MDN1: variants seen among roughly 807,000 people sequenced by gnomAD.
The protein encoded by MDN1 is midasin AAA ATPase 1.
MDN1 carries 266 observed loss-of-function variants against 669.2 expected under a neutral mutation model. That is an observed-to-expected ratio of 0.40 (90% CI 0.36 to 0.44). MDN1 has a LOEUF of 0.44. Among genes scored for constraint, MDN1 ranks in the 20% least tolerant of loss-of-function variants. The probability of loss-of-function intolerance (pLI) is 1.00; values close to 1 mark genes in which losing one functional copy is unlikely to be tolerated. For synonymous variants in MDN1, 2,385 were observed against 2,457.1 expected, an observed-to-expected ratio of 0.97 and a Z score of 0.87; for missense variants, 5,940 against 6,754.0, an observed-to-expected ratio of 0.88 and a Z score of 4.22.
chr6:89,697,562 T>TA (rs2128309017), intron 59 of MDN1, among the ~76,000 whole-genome samples: 1 of 151,620 alleles, frequency 6.6e-6, no homozygotes, highest in South Asian at 2.1e-4. Flanking sequence ...TCTTCAATAA[T>TA]AAACTGACGC....
intron 74 of MDN1, among the ~76,000 whole-genome samples, chr6:89,680,385 C>T (rs992022293): frequency 3.3e-5 from 5 of 152,170 alleles, no homozygotes; most frequent in African/African-American, 1.2e-4. Context: ...CATGAGAGGA[C>T]GACAATGTGA....
At chr6:89,738,062 A>C (rs945869873) in intron 33 of MDN1, among the ~76,000 whole-genome samples, 2 of 152,222 alleles carry the variant, frequency 1.3e-5, no homozygotes, top group Non-Finnish European at 2.9e-5. Flanking sequence ...TAACATGTTC[A>C]TTGATGACAA....
At chr6:89,707,274 C>T (rs1562118939) in intron 52 of MDN1, 87 bp downstream of exon 52, 3 of 912,890 alleles carry the variant, frequency 3.3e-6, no homozygotes, top group Non-Finnish European at 5.3e-6. Context: ...CAGTAAACAA[C>T]AGCAGCTGCT....
chr6:89,796,052 CAGT>C (rs2128327582), intron 2 of MDN1, among the ~76,000 whole-genome samples: 1 of 151,342 alleles, frequency 6.6e-6, no homozygotes, highest in South Asian at 2.1e-4. Flanking sequence ...TGGCCAGGCA[CAGT>C]GGCTCACACC....
intron 72 of MDN1, 103 bp downstream of exon 72, chr6:89,683,728 A>G (rs372374262): frequency 1.2e-6 from 1 of 837,166 alleles, no homozygotes; most frequent in Non-Finnish European, 2.0e-6. Context: ...GAAGTTTAAC[A>G]CACTTAATAT....
chr6:89,650,796 G>C lies in MDN1; in HGVS notation c.15967C>G (p.Leu5323Val), dbSNP rs780686138. The change falls in exon 96 of 102, where the codon CTT (leucine) becomes GTT (valine). Residue 5323 changes from leucine to valine, a missense_variant. Physicochemically the swap from Leu to Val is conservative, Grantham distance 32. Coordinates refer to ENST00000369393, the MANE Select transcript of MDN1 (RefSeq NM_014611.3). ...WQSYLILTAP[L>V]SQRLCEELRL... ...AGCTCTTCACATAACCGTTGTGAAA[G>C]AGGCGCTGTTAAGATCAGGTAACTC... 6 of 1,614,054 alleles carry C rather than the reference G, an allele frequency of 3.7e-6. No individual in the cohort carries two copies. Among genetic ancestry groups the C allele is most frequent in the Non-Finnish European group, 5.1e-6 (6 of 1,180,016 alleles).
intron 2 of MDN1, among the ~76,000 whole-genome samples, chr6:89,802,348 T>C (rs1767721538): frequency 1.3e-5 from 2 of 152,220 alleles, no homozygotes; most frequent in South Asian, 4.1e-4. Context: ...AAAGTGTATT[T>C]ATTGCATTGA....
intron 5 of MDN1, among the ~76,000 whole-genome samples, chr6:89,793,305 CAT>C (rs1283850275): frequency 1.3e-5 from 2 of 152,236 alleles, no homozygotes; most frequent in Admixed American, 1.3e-4. Flanking sequence ...AGGATCGTAA[CAT>C]GTGCTACAGA....
chr6:89,734,697 G>GAA (rs1554188778), intron 33 of MDN1, among the ~76,000 whole-genome samples: 1 of 147,548 alleles, frequency 6.8e-6, no homozygotes, highest in Non-Finnish European at 1.5e-5. Flanking sequence ...AAACAAGAGA[G>GAA]AGAGAGAGAG....
intron 5 of MDN1, 23 bp from the exon 6 acceptor site, chr6:89,790,424 A>G (rs1174882477): frequency 6.2e-7 from 1 of 1,613,420 alleles, no homozygotes; most frequent in African/African-American, 1.3e-5. Flanking sequence ...GACAAAAGCC[A>G]TGTCAAGAAG....
At chr6:89,763,094 T>C (rs984401508) in intron 15 of MDN1, among the ~76,000 whole-genome samples, 3 of 152,056 alleles carry the variant, frequency 2.0e-5, no homozygotes, top group African/African-American at 7.2e-5. Context: ...CCTACTTGAA[T>C]AGTAAAATTC....
At chr6:89,746,611 A>AAAG (rs1554191095) in intron 27 of MDN1, among the ~76,000 whole-genome samples, 186 of 40,452 alleles carry the variant, frequency 4.6e-3, no homozygotes, top group Middle Eastern at 0.011. Flanking sequence ...AAAAAAAAAA[A>AAAG]AAAGAAAGAA....
intron 50 of MDN1, among the ~76,000 whole-genome samples, chr6:89,708,999 G>A (rs1422862924): frequency 7.2e-6 from 1 of 139,516 alleles, no homozygotes; most frequent in Non-Finnish European, 1.6e-5. Context: ...AAAAAAATAC[G>A]TACATGGCAG....
intron 4 of MDN1, 71 bp downstream of exon 4, chr6:89,794,029 C>A: frequency 7.0e-7 from 1 of 1,425,822 alleles, no homozygotes; most frequent in Non-Finnish European, 9.7e-7. Flanking sequence ...TCACCTCTGG[C>A]CTGTCACCCC....
At position 89,747,483 on chromosome 6, in the gene MDN1, C is replaced by T. The variant is rs373084704; in HGVS notation, c.3763-13G>A. On this transcript the variant is annotated splice_polypyrimidine_tract_variant and intron_variant, in intron 26 of 101. Coordinates refer to ENST00000369393, the MANE Select transcript of MDN1 (RefSeq NM_014611.3). ...TTCTGCGATAGGACTGTTGAAGTAT[C>T]AAAACAAATGAAAAGGGGCATCAGC... 3.5e-5 allele frequency: 57 copies of T among 1,606,718 alleles called. No homozygotes were observed. The African/African-American group carries it at 7.1e-4, about 20-fold the overall frequency.
intron 53 of MDN1, among the ~76,000 whole-genome samples, chr6:89,702,282 C>G (rs1015324278): frequency 6.6e-5 from 10 of 152,148 alleles, no homozygotes; most frequent in African/African-American, 2.2e-4. Flanking sequence ...AGGTGAAGAT[C>G]TTTTCTCTTA....
Position 89,772,728 on chromosome 6 carries a change from A to G in MDN1, c.1935-7T>C, listed in dbSNP as rs1407199673. On this transcript the variant is annotated splice_region_variant and splice_polypyrimidine_tract_variant and intron_variant, in intron 13 of 101. Coordinates refer to ENST00000369393, the MANE Select transcript of MDN1 (RefSeq NM_014611.3). ...AGCGAAAGTGAACTTCTCCCTGGGA[A>G]GGAGAAAAAAAGAGTTTAAAAACCA... 4 of 1,612,218 alleles carry G rather than the reference A, an allele frequency of 2.5e-6. No homozygotes were observed. The highest frequency in any genetic ancestry group is 2.2e-5 in the East Asian group (1 of 44,852).
rs1815412094 is a variant in MDN1, at chr6:89,729,081, A to G, written c.5199T>C (p.Ala1733=). 6.2e-7 allele frequency: 1 copy of G among 1,614,038 alleles called. No individual in the cohort carries two copies. Among genetic ancestry groups the G allele is most frequent in the Non-Finnish European group, 8.5e-7 (1 of 1,180,008 alleles). ...ADYALSAGTT[A]MNAQRLLRAT... ...CTCTTAAGAGCCTCTGTGCATTCAT[A>G]GCAGTGGTCCCTGCACTGAGTGCAT... The change falls in exon 36 of 102, where the codon GCT becomes GCC. Residue 1733 remains alanine, a synonymous_variant. Transcript: ENST00000369393.
intron 32 of MDN1, among the ~76,000 whole-genome samples, chr6:89,739,716 CCTTTA>C (rs1479072222): frequency 4.6e-5 from 7 of 152,170 alleles, no homozygotes; most frequent in African/African-American, 1.2e-4. Context: ...TACCCTCTGC[CCTTTA>C]CTTTATCAGC....
Sources: allele counts gnomAD v4.1 joint callset (sites outside exome capture counted in the v4.1 genomes callset), GRCh38; gene constraint gnomAD v4.1.1; transcripts MANE v1.5; gene names NCBI Gene and HGNC (gene_info 2026-07-23, HGNC 2026-07-21).